The following PCDH11Y variants were observed in gnomAD, a reference collection of about 807,000 sequenced individuals.
The protein encoded by PCDH11Y is protocadherin-11 Y-linked.
For missense variants in PCDH11Y, 12 were observed against 224.8 expected, an observed-to-expected ratio of 0.05 and a Z score of 6.05; for synonymous variants, 9 against 83.6, an observed-to-expected ratio of 0.11 and a Z score of 4.87.
intron 2 of PCDH11Y, among the ~76,000 whole-genome samples, chrY:5,113,797 G>GGTGT (rs762972288): frequency 8.8e-5 from 2 of 22,685 alleles, no homozygotes; most frequent in African/African-American, 2.5e-4. Flanking sequence ...TAATTAGAGG[G>GGTGT]GTGTGTGTGT....
intron 4 of PCDH11Y, among the ~76,000 whole-genome samples, chrY:5,660,152 C>A (rs2124707094): frequency 1.1e-3 from 33 of 29,838 alleles, no homozygotes; most frequent in African/African-American, 4.1e-3. Flanking sequence ...ATAAGAAAGG[C>A]CCCTTTTTTC....
chrY:5,011,863 C>T, intron 1 of PCDH11Y, among the ~76,000 whole-genome samples: 1 of 30,230 alleles, frequency 3.3e-5, no homozygotes, highest in African/African-American at 1.3e-4. Flanking sequence ...CTAGGAGACA[C>T]GGTATAGTTC....
chrY:5,466,669 GA>G (rs2053308494), intron 2 of PCDH11Y, among the ~76,000 whole-genome samples: 1 of 32,803 alleles, frequency 3.0e-5, no homozygotes, highest in East Asian at 7.9e-4. Context: ...CTCAGTAAAA[GA>G]GAGAAATTCA....
intron 3 of PCDH11Y, among the ~76,000 whole-genome samples, chrY:5,575,108 C>T (rs2053444663): frequency 4.8e-4 from 16 of 33,057 alleles, no homozygotes; most frequent in Admixed American, 1.9e-3. Flanking sequence ...GAGAAACTAT[C>T]CAGGACATTG....
At chrY:5,562,413 C>T in intron 3 of PCDH11Y, among the ~76,000 whole-genome samples, 1 of 33,752 alleles carries the variant, frequency 3.0e-5, no homozygotes, top group Admixed American at 2.7e-4. Context: ...GAGAAGTACA[C>T]AACTTTCAAA....
chrY:5,044,542 A>G, intron 3 of PCDH11Y, among the ~76,000 whole-genome samples: 1 of 32,477 alleles, frequency 3.1e-5, no homozygotes, highest in African/African-American at 1.2e-4. Context: ...TATGTGGTCA[A>G]TTTTGGAATA....
chrY:5,264,582 TC>T (rs2053023636), intron 2 of PCDH11Y, among the ~76,000 whole-genome samples: 1 of 33,586 alleles, frequency 3.0e-5, no homozygotes, highest in Admixed American at 2.7e-4. Flanking sequence ...AATAGGGACC[TC>T]ACAACTCTGC....
At chrY:5,196,456 T>G in intron 2 of PCDH11Y, among the ~76,000 whole-genome samples, 7 of 33,258 alleles carry the variant, frequency 2.1e-4, no homozygotes, top group African/African-American at 8.2e-4. Context: ...AGTTGGGGTA[T>G]TGGGGAGATG....
At chrY:5,272,260 A>C in intron 2 of PCDH11Y, among the ~76,000 whole-genome samples, 1 of 31,864 alleles carries the variant, frequency 3.1e-5, no homozygotes, top group Non-Finnish European at 7.6e-5. Context: ...AGTCAGAGTA[A>C]ATAGTTTCCC....
At chrY:5,737,409 C>G in exon 5 of PCDH11Y, 1 of 395,762 alleles carries the variant, frequency 2.5e-6, no homozygotes, top group Non-Finnish European at 3.5e-6. Context: ...GGCCTCTGCT[C>G]TATGCCACAG....
intron 2 of PCDH11Y, among the ~76,000 whole-genome samples, chrY:5,155,425 A>G (rs2124643955): frequency 3.1e-5 from 1 of 32,618 alleles, no homozygotes; most frequent in East Asian, 8.3e-4. Context: ...TTACCTAGGT[A>G]TGAAGCCCAG....
chrY:5,624,183 T>A (rs2124702734), intron 4 of PCDH11Y, among the ~76,000 whole-genome samples: 1 of 32,203 alleles, frequency 3.1e-5, no homozygotes, highest in East Asian at 8.2e-4. Flanking sequence ...TCAATTAGTA[T>A]GTTGTTTTTT....
chrY:5,711,024 A>C (rs1602963005), intron 4 of PCDH11Y, among the ~76,000 whole-genome samples: 173 of 27,273 alleles, frequency 6.3e-3, no homozygotes, highest in Admixed American at 0.017. Context: ...TGAGATCTAG[A>C]CTTTACCAGA....
At chrY:5,091,548 C>G (rs2052741335) in intron 1 of PCDH11Y, among the ~76,000 whole-genome samples, 1 of 33,357 alleles carries the variant, frequency 3.0e-5, no homozygotes. Flanking sequence ...ATGTGCTTCA[C>G]TGTTCTCGTG....
intron 2 of PCDH11Y, among the ~76,000 whole-genome samples, chrY:5,191,577 G>A: frequency 3.2e-5 from 1 of 31,315 alleles, no homozygotes. Context: ...CTGTCATCTG[G>A]CTTTTAAGCC....
intron 2 of PCDH11Y, among the ~76,000 whole-genome samples, chrY:5,353,088 T>G (rs2124670516): frequency 3.3e-5 from 1 of 30,117 alleles, no homozygotes; most frequent in South Asian, 8.1e-4. Flanking sequence ...CTGCAACCTC[T>G]GCCTCCCGGG....
chrY:5,220,602 G>A (rs2052952648), intron 2 of PCDH11Y, among the ~76,000 whole-genome samples: 1 of 26,598 alleles, frequency 3.8e-5, no homozygotes. Flanking sequence ...TAGTAGAGAC[G>A]GGGTTTCACC....
At chrY:5,329,658 G>A in intron 2 of PCDH11Y, among the ~76,000 whole-genome samples, 2 of 32,811 alleles carry the variant, frequency 6.1e-5, no homozygotes, top group Non-Finnish European at 1.5e-4. Context: ...GTCCGTGACC[G>A]GCGCCGGAGT....
chrY:5,522,142 G>C, intron 3 of PCDH11Y, among the ~76,000 whole-genome samples: 1 of 31,749 alleles, frequency 3.1e-5, no homozygotes, highest in Non-Finnish European at 7.7e-5. Context: ...CAAAGTGCTG[G>C]GATTACAGGC....
Sources: allele counts gnomAD v4.1 joint callset (sites outside exome capture counted in the v4.1 genomes callset), GRCh38; gene constraint gnomAD v4.1.1; transcripts MANE v1.5; gene names NCBI Gene and HGNC (gene_info 2026-07-23, HGNC 2026-07-21).